Variants in MLLT10 observed in about 807,000 individuals in gnomAD.
MLLT10 encodes the protein protein AF-10.
Under a neutral mutation model 129.1 loss-of-function variants are expected in MLLT10, and 30 were observed. The ratio of observed to expected loss-of-function variants is 0.23; its 90% CI spans 0.17 to 0.32. MLLT10 has a LOEUF of 0.32. MLLT10 is among the 10% of genes least tolerant of loss of function. MLLT10 has a pLI of 1.00. For missense variants in MLLT10, 1,119 were observed against 1,268.3 expected (o/e 0.88, Z 1.79); for synonymous variants, 490 against 446.4 (o/e 1.10, Z -1.23).
rs565443980 is a variant in MLLT10, at chr10:21,597,845, T to C, written c.405+2405T>C. On this transcript the variant is annotated intron_variant, in intron 5 of 22. Coordinates refer to ENST00000307729, the MANE Select transcript of MLLT10 (RefSeq NM_001195626.3). ...ATGTTTTTAGCAGGAGTATCACATATGTGATTCTGTGTTCTTTTTTTTGCA... is the reference window on the plus strand; with the variant it reads ...ATGTTTTTAGCAGGAGTATCACATACGTGATTCTGTGTTCTTTTTTTTGCA... Among the ~76,000 whole-genome samples, 52 of 152,378 alleles carry C rather than the reference T, an allele frequency of 3.4e-4. No individual in the cohort carries two copies. The South Asian group carries it at 7.2e-3, about 21-fold the overall frequency.
chr10:21,542,658 G>A (rs905110483), intron 3 of MLLT10, among the ~76,000 whole-genome samples: 33 of 152,130 alleles, frequency 2.2e-4, no homozygotes, highest in Non-Finnish European at 4.4e-4. Context: ...AGAGGATCAC[G>A]CCTGAGTTGG....
intron 13 of MLLT10, among the ~76,000 whole-genome samples, chr10:21,692,448 G>T (rs1213826391): frequency 6.6e-6 from 1 of 151,964 alleles, no homozygotes; most frequent in African/African-American, 2.4e-5. Context: ...GGGATTACAG[G>T]CATGAACCAC....
At chr10:21,650,864 A>G (rs2048952995) in intron 8 of MLLT10, among the ~76,000 whole-genome samples, 1 of 152,124 alleles carries the variant, frequency 6.6e-6, no homozygotes, top group African/African-American at 2.4e-5. Flanking sequence ...TAACTAATTC[A>G]TCTATTTTTT....
At chr10:21,625,690 G>A in intron 8 of MLLT10, 1 of 765,778 alleles carries the variant, frequency 1.3e-6, no homozygotes, top group East Asian at 2.4e-5. Flanking sequence ...TCTTCAGAAT[G>A]GATCCAACAA....
At chr10:21,587,537 AG>A (rs56038707) in intron 4 of MLLT10, among the ~76,000 whole-genome samples, 79 of 152,114 alleles carry the variant, frequency 5.2e-4, no homozygotes, top group Non-Finnish European at 7.8e-4. Context: ...TCTTTGTCAG[AG>A]AAATCATATT....
intron 8 of MLLT10, among the ~76,000 whole-genome samples, chr10:21,636,082 T>C (rs1254972992): frequency 1.3e-5 from 2 of 152,110 alleles, no homozygotes; most frequent in African/African-American, 4.8e-5. Flanking sequence ...CTTTGACTTA[T>C]AAGACTCATA....
rs1281437647 is a variant in MLLT10, at chr10:21,657,793, C to T, written c.795+6025C>T. Among the ~76,000 whole-genome samples, 5 of 152,160 alleles carry T rather than the reference C, an allele frequency of 3.3e-5. No individual in the cohort carries two copies. In the South Asian group the frequency reaches 1.0e-3, roughly 32 times the overall value. ...AAGGAGAACCTAATTTTAAGTAAAT[C>T]CTTTCAATTAGCTGTTAAATTTTGT... On this transcript the variant is annotated intron_variant, in intron 9 of 22. Coordinates refer to ENST00000307729, the MANE Select transcript of MLLT10 (RefSeq NM_001195626.3).
intron 3 of MLLT10, among the ~76,000 whole-genome samples, chr10:21,570,000 C>T (rs542272919): frequency 9.2e-5 from 14 of 152,232 alleles, no homozygotes; most frequent in African/African-American, 3.1e-4. Flanking sequence ...ATCTCTGCCT[C>T]CTGGCTTCAA....
intron 8 of MLLT10, among the ~76,000 whole-genome samples, chr10:21,633,090 C>T (rs980215413): frequency 3.9e-5 from 6 of 152,068 alleles, no homozygotes; most frequent in African/African-American, 7.2e-5. Flanking sequence ...GTAAATTGCC[C>T]GTAACAGATG....
At chr10:21,552,388 C>CTTTT (rs1225893534) in intron 3 of MLLT10, among the ~76,000 whole-genome samples, 9 of 112,108 alleles carry the variant, frequency 8.0e-5, no homozygotes, top group African/African-American at 1.8e-4. Context: ...CTTCTTATTG[C>CTTTT]TTTTTTTTTT....
At chr10:21,702,421 T>C (rs1331122378) in intron 13 of MLLT10, among the ~76,000 whole-genome samples, 1 of 152,242 alleles carries the variant, frequency 6.6e-6, no homozygotes, top group African/African-American at 2.4e-5. Flanking sequence ...TAAAATGTTT[T>C]GTAAATGTCT....
chr10:21,584,538 T>C (rs542791127), intron 3 of MLLT10, among the ~76,000 whole-genome samples: 16 of 152,234 alleles, frequency 1.1e-4, no homozygotes, highest in African/African-American at 3.4e-4. Context: ...GGTCTCGAAC[T>C]CCTGACCTCA....
chr10:21,647,198 A>AT (rs1288120123), intron 8 of MLLT10, among the ~76,000 whole-genome samples: 2 of 151,728 alleles, frequency 1.3e-5, no homozygotes, highest in Non-Finnish European at 2.9e-5. Flanking sequence ...TTGCATAATG[A>AT]TTTTTTTTCA....
chr10:21,562,067 A>G (rs868204403), intron 3 of MLLT10, among the ~76,000 whole-genome samples: 8 of 152,076 alleles, frequency 5.3e-5, no homozygotes, highest in African/African-American at 1.9e-4. Flanking sequence ...CGGCCTTCCA[A>G]AGTGCTGGGA....
Position 21,742,852 on chromosome 10 carries a change from TCCCGTCA to T in MLLT10, c.*872_*878del, listed in dbSNP as rs1241964854. 4.4e-6 allele frequency: 1 copy of T among 228,778 alleles called. No homozygotes were observed. The highest frequency in any genetic ancestry group is 2.2e-5 in the African/African-American group (1 of 45,062). 14.2% of individuals were successfully genotyped at this position (228,778 alleles called of 1,614,324 possible). On this transcript the variant is annotated 3_prime_UTR_variant, in exon 23 of 23. Coordinates refer to ENST00000307729, the MANE Select transcript of MLLT10 (RefSeq NM_001195626.3). The stretch of plus-strand genomic sequence containing the variant: ...TCAGTCCTCCGAGCAGCAGGAATCA[TCCCGTCA>T]CCTGCAGCCTTCCCATGCTTCCGCC...
intron 17 of MLLT10, among the ~76,000 whole-genome samples, chr10:21,732,031 G>A (rs1420997714): frequency 1.3e-5 from 2 of 152,080 alleles, no homozygotes; most frequent in Non-Finnish European, 2.9e-5. Flanking sequence ...GAGTCTTATT[G>A]CATCTCATTT....
At chr10:21,698,699 TAA>T (rs2054602108) in intron 13 of MLLT10, among the ~76,000 whole-genome samples, 1 of 152,236 alleles carries the variant, frequency 6.6e-6, no homozygotes, top group African/African-American at 2.4e-5. Context: ...CAATAGTGTA[TAA>T]GAGTTTATTT....
Position 21,731,765 on chromosome 10 carries a change from A to G in MLLT10, c.2218+711A>G, listed in dbSNP as rs73594503. Reference sequence around the variant, plus strand: ...TATTAGGGCCGTGGGTGTAAAATGCAGAGTTAAAATAGGTGGTGGTTAGCT... The same window carrying G: ...TATTAGGGCCGTGGGTGTAAAATGCGGAGTTAAAATAGGTGGTGGTTAGCT... On this transcript the variant is annotated intron_variant, in intron 17 of 22. Coordinates refer to ENST00000307729, the MANE Select transcript of MLLT10 (RefSeq NM_001195626.3). 2.6e-3 allele frequency among the ~76,000 whole-genome samples: 391 copies of G among 152,292 alleles called. 2 individuals carry two copies. The highest frequency in any genetic ancestry group is 8.9e-3 in the African/African-American group (369 of 41,558).
intron 21 of MLLT10, among the ~76,000 whole-genome samples, chr10:21,736,636 G>A (rs974401988): frequency 6.6e-6 from 1 of 152,194 alleles, no homozygotes; most frequent in Non-Finnish European, 1.5e-5. Context: ...ACAAGAGAAA[G>A]AAGAATTCTG....
Sources: allele counts gnomAD v4.1 joint callset (sites outside exome capture counted in the v4.1 genomes callset), GRCh38; gene constraint gnomAD v4.1.1; transcripts MANE v1.5; gene names NCBI Gene and HGNC (gene_info 2026-07-23, HGNC 2026-07-21).